Variants in NR1I2 observed in about 807,000 individuals in gnomAD.
NR1I2 encodes the protein orphan nuclear receptor PAR1.
NR1I2 carries 42 observed loss-of-function variants against 43.3 expected under a neutral mutation model. The ratio of observed to expected loss-of-function variants is 0.97; its 90% confidence interval spans 0.76 to 1.26. NR1I2 has a LOEUF of 1.26. NR1I2 is among the 50% of genes most tolerant of loss of function. The pLI, the probability that NR1I2 is intolerant of heterozygous loss-of-function variation, is 0.00. For synonymous variants in NR1I2, 229 were observed against 215.0 expected, an observed-to-expected ratio of 1.06 and a Z score of -0.57; for missense variants, 559 against 566.7, an observed-to-expected ratio of 0.99 and a Z score of 0.14.
chr3:119,788,278 C>A (rs2107946174), intron 1 of NR1I2, among the ~76,000 whole-genome samples: 1 of 151,632 alleles, frequency 6.6e-6, no homozygotes, highest in Non-Finnish European at 1.5e-5. Context: ...CATGCCCAGA[C>A]ACTTTTAAAA....
chr3:119,814,172 A>G (rs1236690764), intron 5 of NR1I2, among the ~76,000 whole-genome samples: 1 of 152,204 alleles, frequency 6.6e-6, no homozygotes, highest in Non-Finnish European at 1.5e-5. Flanking sequence ...GCCAAGAGGT[A>G]GTGTTTCCTC....
Position 119,807,348 on chromosome 3 carries a change from A to AG in NR1I2, c.100dup (p.Glu34GlyfsTer26). 6.2e-7 allele frequency: 1 copy of AG among 1,614,238 alleles called. No individual in the cohort carries two copies. The highest frequency in any genetic ancestry group is 1.3e-5 in the African/African-American group (1 of 75,072). On this transcript the variant is annotated frameshift_variant, in exon 2 of 9. Coordinates refer to ENST00000393716, the MANE Select transcript of NR1I2 (RefSeq NM_003889.4). LOFTEE classifies it high-confidence loss of function. Reference sequence around the variant, plus strand: ...GGAAAGCCCAGTGTCAACGCAGATGAGGAAGTCGGAGGTCCCCAAATCTGC... The same window carrying AG: ...GGAAAGCCCAGTGTCAACGCAGATGAGGGAAGTCGGAGGTCCCCAAATCTGC...
At chr3:119,788,677 A>T (rs931119049) in intron 1 of NR1I2, among the ~76,000 whole-genome samples, 2 of 151,994 alleles carry the variant, frequency 1.3e-5, no homozygotes, top group African/African-American at 4.8e-5. Flanking sequence ...GCCTCAAATG[A>T]TCCTCCTGTT....
intron 1 of NR1I2, among the ~76,000 whole-genome samples, chr3:119,794,609 G>GC (rs2054969755): frequency 6.6e-6 from 1 of 151,642 alleles, no homozygotes; most frequent in Non-Finnish European, 1.5e-5. Context: ...AGAGGCATGA[G>GC]CCCCCACACC....
chr3:119,811,498 C>T (rs747900813), intron 3 of NR1I2, 41 bp from the exon 4 acceptor site: 1 of 1,572,706 alleles, frequency 6.4e-7, no homozygotes, highest in Admixed American at 1.8e-5. Context: ...GGAGGCTCAC[C>T]AGGGGCACGT....
intron 2 of NR1I2, among the ~76,000 whole-genome samples, chr3:119,808,766 G>C (rs2055194941): frequency 6.6e-6 from 1 of 152,236 alleles, no homozygotes; most frequent in South Asian, 2.1e-4. Context: ...TCCCTCATCT[G>C]TGCTAGGCAG....
intron 1 of NR1I2, chr3:119,792,471 A>G: frequency 9.1e-7 from 1 of 1,096,820 alleles, no homozygotes; most frequent in Non-Finnish European, 1.4e-6. Flanking sequence ...GCTGCAGAGG[A>G]CATCACGTAC....
At chr3:119,809,357 G>C (rs2055203183) in intron 2 of NR1I2, among the ~76,000 whole-genome samples, 1 of 151,952 alleles carries the variant, frequency 6.6e-6, no homozygotes, top group Admixed American at 6.6e-5. Context: ...GGGGTGTGCG[G>C]GCCCGTGGGT....
chr3:119,807,762 C>T (rs2055182104), intron 2 of NR1I2, among the ~76,000 whole-genome samples: 2 of 152,194 alleles, frequency 1.3e-5, no homozygotes, highest in African/African-American at 4.8e-5. Context: ...TCACATCCGC[C>T]TTCTGGGGTG....
chr3:119,785,710 C>G (rs575454416), intron 1 of NR1I2, among the ~76,000 whole-genome samples: 21 of 152,256 alleles, frequency 1.4e-4, no homozygotes, highest in Middle Eastern at 3.4e-3. Flanking sequence ...TTAGCATAAT[C>G]TTATAAATTT....
intron 1 of NR1I2, among the ~76,000 whole-genome samples, chr3:119,797,870 A>G (rs1362773711): frequency 6.6e-6 from 1 of 152,210 alleles, no homozygotes; most frequent in Non-Finnish European, 1.5e-5. Context: ...GGATAATTAA[A>G]CTATTGGTCA....
In NR1I2 at chr3:119,782,697, C is replaced by T. The variant is rs879164298; in HGVS notation, c.-23+397C>T. Reference sequence around the variant, plus strand: ...CTATGGGAACTGGGATCAACTCAGTCCTGATTCCTTTTGGCCTGCTGGGTT... The same window carrying T: ...CTATGGGAACTGGGATCAACTCAGTTCTGATTCCTTTTGGCCTGCTGGGTT... On this transcript the variant is annotated intron_variant, in intron 1 of 8. Coordinates refer to ENST00000393716, the MANE Select transcript of NR1I2 (RefSeq NM_003889.4). 1.1e-5 allele frequency: 14 copies of T among 1,257,436 alleles called. No homozygotes were observed. In the Admixed American group the frequency reaches 1.5e-4, roughly 14 times the overall value. The allele number at this position is 1,257,436 out of a possible 1,614,324, so 77.9% of individuals were successfully genotyped here.
In NR1I2 at chr3:119,807,149, G is replaced by A. The variant is rs534757839; in HGVS notation, c.-22-80G>A. 3 of 1,272,620 alleles carry A rather than the reference G, an allele frequency of 2.4e-6. No homozygotes were observed. The South Asian group carries it at 3.8e-5, about 16-fold the overall frequency. The allele number at this position is 1,272,620 out of a possible 1,614,324, so 78.8% of individuals were successfully genotyped here. A position where few individuals can be genotyped will look rare whatever the true frequency, so the allele number is the denominator to read the frequency against. On this transcript the variant is annotated intron_variant, in intron 1 of 8. Transcript: ENST00000393716. ...CAGGCCCAAATGTGAGTGATGCATA[G>A]AAGGGACAGAGTGTTTCCTCTGAGG... is the stretch of plus-strand genomic sequence containing the variant.
At chr3:119,792,380 G>C (rs867852589) in intron 1 of NR1I2, 2 of 1,356,714 alleles carry the variant, frequency 1.5e-6, no homozygotes, top group Non-Finnish European at 2.1e-6. Flanking sequence ...AAGCCAAACA[G>C]GTGGCTCAGC....
intron 1 of NR1I2, among the ~76,000 whole-genome samples, chr3:119,798,595 G>C (rs2055031273): frequency 6.9e-6 from 1 of 145,692 alleles, no homozygotes; most frequent in Non-Finnish European, 1.5e-5. Flanking sequence ...AGCCAAGATC[G>C]CGCCACTGCA....
chr3:119,808,695 A>G (rs1465532300), intron 2 of NR1I2, among the ~76,000 whole-genome samples: 1 of 152,220 alleles, frequency 6.6e-6, no homozygotes, highest in East Asian at 1.9e-4. Flanking sequence ...CCTGGATTCA[A>G]ATTTCAGCTT....
intron 2 of NR1I2, 25 bp downstream of exon 2, chr3:119,807,472 C>T (rs767733690): frequency 6.3e-7 from 1 of 1,588,896 alleles, no homozygotes; most frequent in Non-Finnish European, 8.6e-7. Context: ...CAGCCTTCAC[C>T]CACGTGCCAC....
Position 119,795,977 on chromosome 3 carries a change from G to A in NR1I2, c.-22-11252G>A, listed in dbSNP as rs115607060. ...AAATGTATCTGCAGCACTCACCCGT[G>A]TTCTCACACTGAGTCTCTAAATATT... On this transcript the variant is annotated intron_variant, in intron 1 of 8. Coordinates refer to ENST00000393716, the MANE Select transcript of NR1I2 (RefSeq NM_003889.4). Among the ~76,000 whole-genome samples, 1,380 of 152,224 alleles carry A rather than the reference G, an allele frequency of 9.1e-3. 20 individuals carry two copies. Among genetic ancestry groups the A allele is most frequent in the African/African-American group, 0.031 (1,306 of 41,518 alleles).
chr3:119,811,504 C>T, intron 3 of NR1I2, 35 bp from the exon 4 acceptor site: 2 of 1,580,780 alleles, frequency 1.3e-6, no homozygotes, highest in Non-Finnish European at 8.6e-7. Context: ...TCACCAGGGG[C>T]ACGTGTGCCT....
Sources: gnomAD v4.1 joint callset for allele counts (sites outside exome capture counted in the v4.1 genomes callset) on GRCh38, gnomAD v4.1.1 for gene constraint, MANE v1.5 for transcripts, NCBI Gene and HGNC (gene_info 2026-07-23, HGNC 2026-07-21) for gene names.